CSMD1: variants seen among roughly 807,000 people sequenced by gnomAD.
The protein encoded by CSMD1 is CUB and sushi domain-containing protein 1.
Under a neutral mutation model 417.5 loss-of-function variants are expected in CSMD1, and 213 were observed. That is an observed-to-expected ratio of 0.51 (90% CI 0.46 to 0.57). CSMD1 has a LOEUF of 0.57. Among genes scored for constraint, CSMD1 ranks in the 20% least tolerant of loss-of-function variants. The probability of loss-of-function intolerance (pLI) is 0.00; values close to 1 mark genes in which losing one functional copy is unlikely to be tolerated. For missense variants in CSMD1, 6,923 were observed against 4,529.7 expected, an observed-to-expected ratio of 1.53 and a Z score of -15.17; for synonymous variants, 2,862 against 1,736.8, an observed-to-expected ratio of 1.65 and a Z score of -16.11.
chr8:4,389,473 T>G (rs1380427796), intron 3 of CSMD1, among the ~76,000 whole-genome samples: 2 of 151,846 alleles, frequency 1.3e-5, no homozygotes, highest in Non-Finnish European at 2.9e-5. Context: ...GGTTAGTGCT[T>G]TTTTTTCTCA....
intron 15 of CSMD1, among the ~76,000 whole-genome samples, chr8:3,402,509 C>T (rs1199116331): frequency 6.6e-6 from 1 of 152,160 alleles, no homozygotes; most frequent in Non-Finnish European, 1.5e-5. Flanking sequence ...AAAGAGAAAC[C>T]TTTTGCCCGG....
chr8:4,426,507 A>G (rs958866335), intron 2 of CSMD1, among the ~76,000 whole-genome samples: 1 of 147,750 alleles, frequency 6.8e-6, no homozygotes, highest in Non-Finnish European at 1.5e-5. Context: ...GTTTTTATAT[A>G]TTTTATAAAG....
intron 1 of CSMD1, among the ~76,000 whole-genome samples, chr8:4,934,117 G>T (rs12681182): frequency 0.27 from 41,021 of 152,068 alleles, 6,982 homozygotes; most frequent in Admixed American, 0.43. Flanking sequence ...ACCAGGGAGA[G>T]ACCTTTGACA....
At position 3,412,093 on chromosome 8, in the gene CSMD1, C is replaced by T. The variant is rs1472691539; in HGVS notation, c.1562-2488G>A. The stretch of plus-strand genomic sequence containing the variant: ...ATACATATATACATATATATACACA[C>T]GTATATATACATATATACATATATA... On this transcript the variant is annotated intron_variant, in intron 12 of 69. Transcript: ENST00000635120. Among the ~76,000 whole-genome samples the T allele has an allele frequency of 1.9e-5, 2 of 105,412 alleles. 1 individual carries two copies. Among genetic ancestry groups the T allele is most frequent in the Non-Finnish European group, 3.6e-5 (2 of 55,300 alleles). The allele number at this position is 105,412 out of a possible 152,430, so 69.2% of individuals were successfully genotyped here. A position where few individuals can be genotyped will look rare whatever the true frequency, so the allele number is the denominator to read the frequency against.
chr8:3,173,568 A>G (rs1391768890), intron 37 of CSMD1, among the ~76,000 whole-genome samples: 3 of 152,240 alleles, frequency 2.0e-5, no homozygotes, highest in African/African-American at 7.2e-5. Flanking sequence ...GTAGAAATAA[A>G]TGCAGTAAGT....
intron 12 of CSMD1, among the ~76,000 whole-genome samples, chr8:3,433,853 A>G (rs1362671177): frequency 6.6e-6 from 1 of 152,192 alleles, no homozygotes; most frequent in Non-Finnish European, 1.5e-5. Flanking sequence ...TCTCTGTTGC[A>G]CTGGAAATTG....
intron 3 of CSMD1, among the ~76,000 whole-genome samples, chr8:4,064,965 G>T (rs768556670): frequency 2.0e-4 from 31 of 151,792 alleles, no homozygotes; most frequent in Non-Finnish European, 1.6e-4. Flanking sequence ...TTAACGCTGT[G>T]CATTCACTAA....
chr8:3,632,509 G>C (rs1039022192), intron 7 of CSMD1, among the ~76,000 whole-genome samples: 2 of 152,136 alleles, frequency 1.3e-5, no homozygotes, highest in Non-Finnish European at 2.9e-5. Flanking sequence ...AGATTGTGAT[G>C]GGCGTTGAAG....
rs147919367 is a variant in CSMD1, at chr8:4,941,812, T to C, written c.85+52520A>G. Among the ~76,000 whole-genome samples, 577 of 152,270 alleles carry C rather than the reference T, an allele frequency of 3.8e-3. 2 individuals carry two copies. The highest frequency in any genetic ancestry group is 0.013 in the African/African-American group (560 of 41,562). On this transcript the variant is annotated intron_variant, in intron 1 of 69. Coordinates refer to ENST00000635120, the MANE Select transcript of CSMD1 (RefSeq NM_033225.6). ...CAGGGTCTCCCCATGTTGCCCAGGA[T>C]GGTCTTGAACTCCTGAGCTCAAAGC...
intron 3 of CSMD1, among the ~76,000 whole-genome samples, chr8:4,381,000 G>A (rs182257758): frequency 1.3e-4 from 20 of 152,172 alleles, no homozygotes; most frequent in African/African-American, 2.2e-4. Flanking sequence ...GTATCTCACT[G>A]CCAGAACTCA....
At chr8:4,453,263 C>G (rs149160955) in intron 2 of CSMD1, among the ~76,000 whole-genome samples, 8 of 151,458 alleles carry the variant, frequency 5.3e-5, no homozygotes, top group East Asian at 3.9e-4. Flanking sequence ...CTAGCTGTAC[C>G]TAATGTAACC....
At chr8:4,747,781 A>T (rs1811051180) in intron 1 of CSMD1, among the ~76,000 whole-genome samples, 1 of 152,186 alleles carries the variant, frequency 6.6e-6, no homozygotes, top group Non-Finnish European at 1.5e-5. Context: ...CCTGGGATAG[A>T]GGCTAAAAAA....
intron 3 of CSMD1, among the ~76,000 whole-genome samples, chr8:4,389,898 C>T (rs1803727197): frequency 6.6e-6 from 1 of 152,082 alleles, no homozygotes; most frequent in South Asian, 2.1e-4. Flanking sequence ...TGGGTTGTTT[C>T]CAGTTTTCCA....
intron 1 of CSMD1, among the ~76,000 whole-genome samples, chr8:4,953,907 G>A (rs554813736): frequency 6.6e-6 from 1 of 152,208 alleles, no homozygotes; most frequent in East Asian, 1.9e-4. Context: ...CAGGAGTAGG[G>A]ATCAAGGGTT....
intron 62 of CSMD1, among the ~76,000 whole-genome samples, chr8:2,958,836 G>T (rs1348790975): frequency 1.3e-5 from 2 of 152,184 alleles, no homozygotes; most frequent in African/African-American, 4.8e-5. Context: ...CCCTGTGTCT[G>T]CCTTCTCACA....
intron 3 of CSMD1, among the ~76,000 whole-genome samples, chr8:4,317,674 G>A (rs756823722): frequency 2.6e-5 from 4 of 152,032 alleles, no homozygotes; most frequent in Non-Finnish European, 4.4e-5. Context: ...TAAATCAATA[G>A]TTCTTTATAG....
In CSMD1 at chr8:3,753,912, A is replaced by G. The variant is rs748961975; in HGVS notation, c.931+18T>C. Reference sequence around the variant, plus strand: ...ACGCTCTGTTTTTTTTTTTTCTTATAAGATGGAGCATCCTTACCTTGGAAC... The same window carrying G: ...ACGCTCTGTTTTTTTTTTTTCTTATGAGATGGAGCATCCTTACCTTGGAAC... On this transcript the variant is annotated intron_variant, in intron 6 of 69. Coordinates refer to ENST00000635120, the MANE Select transcript of CSMD1 (RefSeq NM_033225.6). The G allele has an allele frequency of 1.0e-5, 16 of 1,529,804 alleles. No homozygotes were observed. Among genetic ancestry groups the G allele is most frequent in the African/African-American group, 1.4e-5 (1 of 72,110 alleles). 94.8% of individuals were successfully genotyped at this position (1,529,804 alleles called of 1,614,324 possible). A position where few individuals can be genotyped will look rare whatever the true frequency, so the allele number is the denominator to read the frequency against.
intron 6 of CSMD1, among the ~76,000 whole-genome samples, chr8:3,737,603 A>G (rs73187261): frequency 0.081 from 12,280 of 152,120 alleles, 612 homozygotes; most frequent in African/African-American, 0.11. Context: ...GTCAAGAGAG[A>G]TCACCCTCTC....
chr8:3,138,720 G>A (rs1431650442), intron 41 of CSMD1, among the ~76,000 whole-genome samples: 1 of 152,192 alleles, frequency 6.6e-6, no homozygotes, highest in Non-Finnish European at 1.5e-5. Flanking sequence ...AAAGGACTGT[G>A]GCTGCTGGAG....
Sources: gnomAD v4.1 joint callset for allele counts (sites outside exome capture counted in the v4.1 genomes callset) on GRCh38, gnomAD v4.1.1 for gene constraint, MANE v1.5 for transcripts, NCBI Gene and HGNC (gene_info 2026-07-23, HGNC 2026-07-21) for gene names.